SETD1B: variants seen among roughly 807,000 people sequenced by gnomAD.
The protein encoded by SETD1B is SET domain containing 1B, histone lysine methyltransferase, also known as histone-lysine N-methyltransferase SETD1B.
Under a neutral mutation model 148.0 loss-of-function variants are expected in SETD1B, and 7 were observed. That is an observed-to-expected ratio of 0.05 (90% CI 0.03 to 0.09). SETD1B has a LOEUF of 0.09. SETD1B is among the 10% of genes least tolerant of loss of function. The pLI is 1.00. For missense variants in SETD1B, 2,155 were observed against 2,729.9 expected (o/e 0.79, Z 4.69); for synonymous variants, 1,361 against 1,186.5 (o/e 1.15, Z -3.02).
Position 121,823,208 on chromosome 12 carries a change from C to G in SETD1B, c.4629C>G (p.Ala1543=). Residue 1543 remains alanine, a synonymous_variant, in exon 12 of 17, where the codon GCC becomes GCG. Coordinates refer to ENST00000604567, the MANE Select transcript of SETD1B (RefSeq NM_001353345.2). ...CCTTGGTCCGACCACCAGCAGGGGC[C>G]GCCCTTGGAAGGGAACTCCTGCTCC... is the stretch of plus-strand genomic sequence containing the variant. ...DGPLVRPPAG[A]ALGRELLLLP... The G allele has an allele frequency of 6.5e-7, 1 of 1,549,210 alleles. No individual in the cohort carries two copies. The highest frequency in any genetic ancestry group is 8.7e-7 in the Non-Finnish European group (1 of 1,146,830).
At chr12:121,811,555 G>A (rs956252694) in intron 6 of SETD1B, among the ~76,000 whole-genome samples, 1 of 152,224 alleles carries the variant, frequency 6.6e-6, no homozygotes, top group Non-Finnish European at 1.5e-5. Flanking sequence ...CCGCCCAGGG[G>A]TTGGGGGTGA....
chr12:121,813,674 A>G (rs1876145251), intron 6 of SETD1B, among the ~76,000 whole-genome samples: 1 of 152,124 alleles, frequency 6.6e-6, no homozygotes, highest in South Asian at 2.1e-4. Context: ...TTGCAACAGA[A>G]TCTCTGAAAT....
Position 121,827,915 on chromosome 12 carries a change from A to AC in SETD1B, c.5590-13dup. 1 of 1,551,956 alleles carries AC rather than the reference A, an allele frequency of 6.4e-7. No homozygotes were observed. The highest frequency in any genetic ancestry group is 8.7e-7 in the Non-Finnish European group (1 of 1,147,118). On this transcript the variant is annotated splice_polypyrimidine_tract_variant and intron_variant, in intron 15 of 16. Transcript: ENST00000604567. The stretch of plus-strand genomic sequence containing the variant: ...GCATGGGGCCGGCCCAGCCAGACTG[A>AC]CCCCCTTTTGTGGCCAGGTGATCGC...
chr12:121,807,310 T>TG (rs1157765248), intron 4 of SETD1B, among the ~76,000 whole-genome samples: 2 of 151,250 alleles, frequency 1.3e-5, no homozygotes, highest in Admixed American at 6.6e-5. Context: ...CTCTGGGGGT[T>TG]GGGGGGGCAG....
At position 121,809,442 on chromosome 12, in the gene SETD1B, A is replaced by G. The variant is rs558412573; in HGVS notation, c.658-161A>G. Among the ~76,000 whole-genome samples, 8 of 152,268 alleles carry G rather than the reference A, an allele frequency of 5.3e-5. No individual in the cohort carries two copies. The East Asian group carries it at 1.2e-3, about 22-fold the overall frequency. On this transcript the variant is annotated intron_variant, in intron 5 of 16. Coordinates refer to ENST00000604567, the MANE Select transcript of SETD1B (RefSeq NM_001353345.2). ...TAAGATTAGAGAAAAAGTTAGTACCATCCTGACACTCCTCCTCAATCTCCC... is the reference window on the plus strand; with the variant it reads ...TAAGATTAGAGAAAAAGTTAGTACCGTCCTGACACTCCTCCTCAATCTCCC...
Position 121,823,215 on chromosome 12 carries a change from G to C in SETD1B, c.4636G>C (p.Gly1546Arg). The change falls in exon 12 of 17, where the codon GGA (glycine) becomes CGA (arginine). Residue 1546 changes from glycine to arginine, a missense_variant. By Grantham distance (125) the Gly-to-Arg change is moderately radical (BLOSUM62 -2). This residue lies in a region of SETD1B where 862 missense variants were observed against 873.8 expected (regional missense o/e 0.99). Transcript: ENST00000604567. ...CCGACCACCAGCAGGGGCCGCCCTTGGAAGGGAACTCCTGCTCCTGCCGGG... is the reference window on the plus strand; with the variant it reads ...CCGACCACCAGCAGGGGCCGCCCTTCGAAGGGAACTCCTGCTCCTGCCGGG... ...LVRPPAGAAL[G>R]RELLLLPGQP... 6.5e-7 allele frequency: 1 copy of C among 1,549,278 alleles called. No homozygotes were observed. The highest frequency in any genetic ancestry group is 8.7e-7 in the Non-Finnish European group (1 of 1,146,812).
At chr12:121,800,610 C>G (rs1875293715), upstream of SETD1B, 1 of 151,086 alleles carries the variant, frequency 6.6e-6, no homozygotes, top group South Asian at 2.1e-4. Context: ...TCCTGGTGCC[C>G]GCGTGGGCCG....
rs964286414 is a variant in SETD1B, at chr12:121,817,574, C to T, written c.3182C>T (p.Ser1061Leu). Reference protein sequence around the residue: ...SSSGSSTTSPSSSASDKEEEQ... With the variant: ...SSSGSSTTSPLSSASDKEEEQ... ...TCGGGGTCCTCAACCACCTCACCCT[C>T]GTCCTCGGCCTCCGACAAGGAGGAG... Residue 1061 changes from serine to leucine, a missense_variant, in exon 9 of 17, where the codon TCG (serine) becomes TTG (leucine). By Grantham distance (145) the Ser-to-Leu change is moderately radical (BLOSUM62 -2). This residue lies in a region of SETD1B where 862 missense variants were observed against 873.8 expected (regional missense o/e 0.99). Transcript: ENST00000604567. The surrounding 1 kb of genome is among the most constrained non-coding windows in gnomAD (Gnocchi z 8.1). 7.7e-6 allele frequency: 12 copies of T among 1,551,132 alleles called. No individual in the cohort carries two copies. In the Admixed American group the frequency reaches 1.6e-4, roughly 20 times the overall value.
In SETD1B at chr12:121,814,715, T is replaced by C; in HGVS notation, c.2500T>C (p.Trp834Arg). 4 of 1,550,732 alleles carry C rather than the reference T, an allele frequency of 2.6e-6. No individual in the cohort carries two copies. The highest frequency in any genetic ancestry group is 2.6e-6 in the Non-Finnish European group (3 of 1,146,898). The change falls in exon 7 of 17, where the codon TGG (tryptophan) becomes CGG (arginine). Residue 834 changes from tryptophan (W) to arginine (R), a missense_variant. Trp to Arg is a moderately radical substitution (Grantham distance 101). Coordinates refer to ENST00000604567, the MANE Select transcript of SETD1B (RefSeq NM_001353345.2). Reference protein sequence around the residue: ...SNSGPGRGQHWPPLPKFDPSV... With the variant: ...SNSGPGRGQHRPPLPKFDPSV... Reference sequence around the variant, plus strand: ...CTCCGGCCCAGGCCGCGGGCAGCACTGGCCACCACTGCCCAAGTTTGACCC... The same window carrying C: ...CTCCGGCCCAGGCCGCGGGCAGCACCGGCCACCACTGCCCAAGTTTGACCC...
In SETD1B at chr12:121,804,080, A is replaced by G. The variant is rs947664104; in HGVS notation, c.-168A>G. The G allele has an allele frequency of 1.5e-4, 23 of 152,926 alleles. No individual in the cohort carries two copies. The highest frequency in any genetic ancestry group is 3.3e-3 in the Middle Eastern group (1 of 306). 9.5% of individuals were successfully genotyped at this position (152,926 alleles called of 1,614,324 possible). A position where few individuals can be genotyped will look rare whatever the true frequency, so the allele number is the denominator to read the frequency against. On this transcript the variant is annotated 5_prime_UTR_variant, in exon 1 of 17. Transcript: ENST00000604567. The surrounding 1 kb of genome is among the most constrained non-coding windows in gnomAD (Gnocchi z 4.6). Reference sequence around the variant, plus strand: ...CCGCCTCCCGGGCAGCAGCAGCAGCAGCGGCGGCGGCAGCGGCAGCAGCTC... The same window carrying G: ...CCGCCTCCCGGGCAGCAGCAGCAGCGGCGGCGGCGGCAGCGGCAGCAGCTC...
At position 121,817,831 on chromosome 12, in the gene SETD1B, C is replaced by T. The variant is rs1181196010; in HGVS notation, c.3345C>T (p.Asp1115=). ...DDDDDDSDDR[D]ESENDDEDTA... ...ACGATGACGACAGTGATGACCGGGA[C>T]GAGTCTGAGAACGATGACGAGGACA... The change falls in exon 10 of 17, where the codon GAC becomes GAT. Residue 1115 remains aspartate, a synonymous_variant. Transcript: ENST00000604567. This position sits in a 1 kb window ranked among gnomAD's most constrained non-coding sequence, Gnocchi z 8.1. 20 of 1,550,908 alleles carry T rather than the reference C, an allele frequency of 1.3e-5. No homozygotes were observed. Among genetic ancestry groups the T allele is most frequent in the Non-Finnish European group, 1.6e-5 (18 of 1,146,712 alleles).
intron 4 of SETD1B, 33 bp downstream of exon 4, chr12:121,806,138 C>T: frequency 1.3e-6 from 2 of 1,541,840 alleles, no homozygotes; most frequent in Non-Finnish European, 8.8e-7. Context: ...GTGGGGAGAC[C>T]TGTCAGCCCG....
In SETD1B at chr12:121,817,106, C is replaced by T. The variant is rs1467633081; in HGVS notation, c.2789C>T (p.Ser930Leu). 7 of 1,549,164 alleles carry T rather than the reference C, an allele frequency of 4.5e-6. No individual in the cohort carries two copies. The highest frequency in any genetic ancestry group is 2.4e-5 in the East Asian group (1 of 40,912). Residue 930 changes from serine to leucine, a missense_variant, in exon 8 of 17, where the codon TCG becomes TTG. This residue lies in a region of SETD1B where 289 missense variants were observed against 423.7 expected (regional missense o/e 0.68). Coordinates refer to ENST00000604567, the MANE Select transcript of SETD1B (RefSeq NM_001353345.2). The surrounding 1 kb of genome is among the most constrained non-coding windows in gnomAD (Gnocchi z 8.1). ...DRPKPKDRIA[S>L]CLLESWGKGE... is the part of the protein sequence containing the mutation. ...CCGAAGCCCAAGGACCGCATCGCCT[C>T]GTGCCTGCTGGAGTCATGGGGCAAG... is the stretch of plus-strand genomic sequence containing the variant.
At position 121,823,232 on chromosome 12, in the gene SETD1B, C is replaced by G. The variant is rs762305808; in HGVS notation, c.4653C>G (p.Leu1551=). 6.5e-7 allele frequency: 1 copy of G among 1,549,706 alleles called. No homozygotes were observed. Among genetic ancestry groups the G allele is most frequent in the East Asian group, 2.4e-5 (1 of 40,882 alleles). Residue 1551 remains leucine (L), a synonymous_variant, in exon 12 of 17, where the codon CTC becomes CTG. Transcript: ENST00000604567. ...AGAALGRELL[L]LPGQPQTPVF... ...CCGCCCTTGGAAGGGAACTCCTGCT[C>G]CTGCCGGGCCAGCCACAGACCCCCG...
intron 10 of SETD1B, among the ~76,000 whole-genome samples, chr12:121,818,751 A>C (rs1479991688): frequency 2.0e-5 from 3 of 149,838 alleles, no homozygotes; most frequent in African/African-American, 4.9e-5. Context: ...TTAGCCGGGC[A>C]TGGTGGCAGG....
chr12:121,826,287 T>C (rs1298221282), intron 13 of SETD1B, among the ~76,000 whole-genome samples: 2 of 151,706 alleles, frequency 1.3e-5, no homozygotes, highest in Admixed American at 1.3e-4. Context: ...GCAGGGAAAA[T>C]GCGATGGAGA....
rs1875701334 is a variant in SETD1B, at chr12:121,805,646, G to T, written c.274-189G>T. 1.3e-5 allele frequency among the ~76,000 whole-genome samples: 2 copies of T among 150,742 alleles called. No individual in the cohort carries two copies. Among genetic ancestry groups the T allele is most frequent in the African/African-American group, 4.9e-5 (2 of 40,862 alleles). ...CACGTTCCAAACGATTTAATCCTCC[G>T]CTTCCCGGGCCCGCCCGCGTGCATT... On this transcript the variant is annotated intron_variant, in intron 3 of 16. Transcript: ENST00000604567. The surrounding 1 kb of genome is among the most constrained non-coding windows in gnomAD (Gnocchi z 4.2).
chr12:121,822,491 A>T lies in SETD1B; in HGVS notation c.3912A>T (p.Glu1304Asp), dbSNP rs755551011. Residue 1304 changes from glutamate (E) to aspartate (D), a missense_variant and splice_region_variant, in exon 12 of 17, where the codon GAA (glutamate) becomes GAT (aspartate). Around this residue, in one of 11 missense-constraint regions of SETD1B, gnomAD observed 862 missense variants for 873.8 expected, o/e 0.99. Coordinates refer to ENST00000604567, the MANE Select transcript of SETD1B (RefSeq NM_001353345.2). ...TCGTGTTCGCTCACCTCTCTGCAGAACATGACCTGGAAGTGGAGCCGGAGC... is the reference window on the plus strand; with the variant it reads ...TCGTGTTCGCTCACCTCTCTGCAGATCATGACCTGGAAGTGGAGCCGGAGC... Reference protein sequence around the residue: ...RPPLSPERAPEHDLEVEPEPP... With the variant: ...RPPLSPERAPDHDLEVEPEPP... The T allele has an allele frequency of 1.3e-6, 2 of 1,542,188 alleles. No homozygotes were observed. The highest frequency in any genetic ancestry group is 4.9e-5 in the East Asian group (2 of 40,778).
the SETD1B span, chr12:121,793,743 T>C: frequency 9.7e-7 from 1 of 1,027,616 alleles, no homozygotes; most frequent in Non-Finnish European, 1.3e-6. Flanking sequence ...CAGCGCCGCC[T>C]CCGCCAGGCA....
Sources: gnomAD v4.1 joint callset for allele counts (sites outside exome capture counted in the v4.1 genomes callset) on GRCh38, gnomAD v4.1.1 for gene constraint, gnomAD v4.1.1 regional missense constraint, Gnocchi (gnomAD v3.1) non-coding constraint, MANE v1.5 for transcripts, NCBI Gene and HGNC (gene_info 2026-07-23, HGNC 2026-07-21) for gene names.